INO80E: variants seen among roughly 807,000 people sequenced by gnomAD.
INO80E encodes the protein coiled-coil domain containing 95.
Under a neutral mutation model 27.3 loss-of-function variants are expected in INO80E, and 20 were observed. The observed-to-expected ratio is 0.73, with a 90% CI of 0.51 to 1.06. The LOEUF is 1.06. INO80E is among the 50% of genes least tolerant of loss of function. INO80E has a pLI of 0.00. For missense variants in INO80E, 357 were observed against 322.8 expected (o/e 1.11, Z -0.81); for synonymous variants, 167 against 145.9 (o/e 1.14, Z -1.04).
At chr16:30,001,082 G>A in intron 5 of INO80E, 42 bp downstream of exon 5, 1 of 1,509,178 alleles carries the variant, frequency 6.6e-7, no homozygotes, top group South Asian at 1.3e-5. Flanking sequence ...GGAGTAAGGT[G>A]GGCGTCATTT....
chr16:30,005,637 C>G lies in INO80E; in HGVS notation c.*195C>G. 2 of 609,390 alleles carry G rather than the reference C, an allele frequency of 3.3e-6. No individual in the cohort carries two copies. Among genetic ancestry groups the G allele is most frequent in the Non-Finnish European group, 5.7e-6 (2 of 349,752 alleles). The allele number at this position is 609,390 out of a possible 1,614,324, so 37.7% of individuals were successfully genotyped here. ...CAGGGGCCCTGCCTTCAAACCCCGGCCCCCTCCAGGGGACAGTTATTTAAA... is the reference window on the plus strand; with the variant it reads ...CAGGGGCCCTGCCTTCAAACCCCGGGCCCCTCCAGGGGACAGTTATTTAAA... On this transcript the variant is annotated 3_prime_UTR_variant, in exon 7 of 7. Coordinates refer to ENST00000563197, the MANE Select transcript of INO80E (RefSeq NM_173618.3).
At chr16:30,001,311 A>G in intron 5 of INO80E, 103 bp from the exon 6 acceptor site, 2 of 1,502,982 alleles carry the variant, frequency 1.3e-6, no homozygotes, top group Non-Finnish European at 1.8e-6. Context: ...CGCACTCATC[A>G]CCATCTCTTT....
intron 3 of INO80E, among the ~76,000 whole-genome samples, chr16:29,999,872 G>C (rs1334211321): frequency 6.6e-6 from 1 of 152,154 alleles, no homozygotes; most frequent in Non-Finnish European, 1.5e-5. Flanking sequence ...GGTGAGGTGA[G>C]ACTGCTTAGC....
chr16:29,996,328 C>G lies in INO80E; in HGVS notation c.18C>G (p.Asp6Glu), dbSNP rs573223499. MNGPA[D>E]GEVDYKKKYR... The stretch of plus-strand genomic sequence containing the variant: ...GGCCGGTCATGAACGGGCCGGCGGA[C>G]GGCGAAGTGGACTACAAAAAAAAAT... Residue 6 changes from aspartate (D) to glutamate (E), a missense_variant, in exon 1 of 7, where the codon GAC becomes GAG. By Grantham distance (45) the Asp-to-Glu change is conservative. Coordinates refer to ENST00000563197, the MANE Select transcript of INO80E (RefSeq NM_173618.3). The G allele has an allele frequency of 3.8e-6, 6 of 1,595,450 alleles. No individual in the cohort carries two copies. In the South Asian group the frequency reaches 6.8e-5, roughly 18 times the overall value.
Position 30,005,769 on chromosome 16 carries a change from T to C in INO80E, c.*327T>C, listed in dbSNP as rs2070560741. On this transcript the variant is annotated 3_prime_UTR_variant, in exon 7 of 7. Coordinates refer to ENST00000563197, the MANE Select transcript of INO80E (RefSeq NM_173618.3). ...GGCTAGGTTTTTTCAATGAAGTTTC[T>C]GTATTAAAGGAGTGGCTCTGGGTTT... The C allele has an allele frequency of 2.1e-6, 1 of 468,958 alleles. No individual in the cohort carries two copies. The highest frequency in any genetic ancestry group is 4.1e-5 in the Admixed American group (1 of 24,298). 29.0% of individuals were successfully genotyped at this position (468,958 alleles called of 1,614,324 possible).
Position 29,998,492 on chromosome 16 carries a change from G to C in INO80E, c.205+1632G>C, listed in dbSNP as rs556613188. Among the ~76,000 whole-genome samples the C allele has an allele frequency of 4.6e-5, 7 of 152,124 alleles. No individual in the cohort carries two copies. The East Asian group carries it at 1.4e-3, about 29-fold the overall frequency. On this transcript the variant is annotated intron_variant, in intron 3 of 6. Coordinates refer to ENST00000563197, the MANE Select transcript of INO80E (RefSeq NM_173618.3). The stretch of plus-strand genomic sequence containing the variant: ...TAACTATATTTTACATCATAACCAG[G>C]GCCCCACATGTTAAACAAAACAAAG...
intron 6 of INO80E, chr16:30,001,735 C>A (rs1340858536): frequency 1.1e-5 from 6 of 544,192 alleles, no homozygotes; most frequent in Non-Finnish European, 1.6e-5. Flanking sequence ...CCTTGGAGGA[C>A]CCGGTGTGCA....
At position 30,001,492 on chromosome 16, in the gene INO80E, A is replaced by T; in HGVS notation, c.475A>T (p.Lys159Ter). ...GCCCGAGCCCAGTCCCCTGAGGCCC[A>T]AGCGGGAGAAACGGCCCCGCCTGCC... is the stretch of plus-strand genomic sequence containing the variant. Reference protein sequence around the residue: ...QLPEPSPLRPKREKRPRLPRK... With the variant: ...QLPEPSPLRP The change falls in exon 6 of 7, where the codon AAG (lysine) becomes TAG (stop). Residue 159 changes from lysine (K) to a stop codon, truncating the protein, a stop_gained. Coordinates refer to ENST00000563197, the MANE Select transcript of INO80E (RefSeq NM_173618.3). LOFTEE classifies it high-confidence loss of function. 1 of 1,613,126 alleles carries T rather than the reference A, an allele frequency of 6.2e-7. No homozygotes were observed. Among genetic ancestry groups the T allele is most frequent in the African/African-American group, 1.3e-5 (1 of 74,956 alleles).
Position 30,001,428 on chromosome 16 carries a change from C to G in INO80E, c.411C>G (p.Arg137=). The change falls in exon 6 of 7, where the codon CGC becomes CGG. Residue 137 remains arginine, a synonymous_variant. Transcript: ENST00000563197. ...SPYLSSLASS[R]YPPFPSDYLA... ...CCCGCCCGCAGCTGGCCTCCTCCCG[C>G]TACCCCCCATTCCCTTCTGACTACC... 1 of 1,605,572 alleles carries G rather than the reference C, an allele frequency of 6.2e-7. No individual in the cohort carries two copies. The highest frequency in any genetic ancestry group is 8.5e-7 in the Non-Finnish European group (1 of 1,175,704).
Position 30,005,502 on chromosome 16 carries a change from C to G in INO80E, c.*60C>G. On this transcript the variant is annotated 3_prime_UTR_variant, in exon 7 of 7. Transcript: ENST00000563197. ...CCGGCGCCCTCCCCGTGCCAGCACA[C>G]ACGAGTCCAGCTTCCTCGGAGGTGT... 6.8e-7 allele frequency: 1 copy of G among 1,468,648 alleles called. No individual in the cohort carries two copies. Among genetic ancestry groups the G allele is most frequent in the South Asian group, 1.2e-5 (1 of 81,844 alleles). 91.0% of individuals were successfully genotyped at this position (1,468,648 alleles called of 1,614,324 possible).
chr16:30,001,394 A>ATCCCCGC lies in INO80E; in HGVS notation c.397-15_397-9dup. The ATCCCCGC allele has an allele frequency of 1.3e-6, 2 of 1,566,000 alleles. No individual in the cohort carries two copies. Among genetic ancestry groups the ATCCCCGC allele is most frequent in the Non-Finnish European group, 1.7e-6 (2 of 1,153,568 alleles). On this transcript the variant is annotated intron_variant, in intron 5 of 6. Coordinates refer to ENST00000563197, the MANE Select transcript of INO80E (RefSeq NM_173618.3). ...CCGGTCCATTCCGCCTCCCATCTCC[A>ATCCCCGC]TCCCCGCTCCCGCCCGCAGCTGGCC...
intron 3 of INO80E, 97 bp downstream of exon 3, chr16:29,996,957 C>A: frequency 1.7e-6 from 2 of 1,163,040 alleles, no homozygotes; most frequent in African/African-American, 1.5e-5. Context: ...GCTGATGCAG[C>A]CCCCAGTGGT....
At chr16:29,999,829 ACT>A (rs535902961) in intron 3 of INO80E, among the ~76,000 whole-genome samples, 202 of 152,172 alleles carry the variant, frequency 1.3e-3, no homozygotes, top group Admixed American at 0.013. Flanking sequence ...GTTTTAGGTC[ACT>A]CTGGGGTTGG....
At position 29,996,314 on chromosome 16, in the gene INO80E, A is replaced by T; in HGVS notation, c.4A>T (p.Asn2Tyr). The change falls in exon 1 of 7, where the codon AAC becomes TAC. Residue 2 changes from asparagine (N) to tyrosine (Y), a missense_variant. Transcript: ENST00000563197. M[N>Y]GPADGEVDYK... is the part of the protein sequence containing the mutation. The stretch of plus-strand genomic sequence containing the variant: ...GGGCGCCACTCCCGGGCCGGTCATG[A>T]ACGGGCCGGCGGACGGCGAAGTGGA... 6.3e-7 allele frequency: 1 copy of T among 1,594,942 alleles called. No individual in the cohort carries two copies. The highest frequency in any genetic ancestry group is 1.1e-5 in the South Asian group (1 of 88,458).
chr16:30,005,422 G>A lies in INO80E; in HGVS notation c.715G>A (p.Val239Met). 6.2e-7 allele frequency: 1 copy of A among 1,602,936 alleles called. No individual in the cohort carries two copies. Among genetic ancestry groups the A allele is most frequent in the South Asian group, 1.1e-5 (1 of 88,956 alleles). Residue 239 changes from valine to methionine, a missense_variant, in exon 7 of 7, where the codon GTG becomes ATG. Val to Met is a conservative substitution (Grantham distance 21). Coordinates refer to ENST00000563197, the MANE Select transcript of INO80E (RefSeq NM_173618.3). ...TGCCTTGGATGGAGACGATGACCTG[G>A]TGATCGACATCCCGGAGTGACCGTG... Reference protein sequence around the residue: ...DDALDGDDDLVIDIPE With the variant: ...DDALDGDDDLMIDIPE
chr16:30,001,270 C>A, intron 5 of INO80E, 144 bp from the exon 6 acceptor site: 1 of 1,490,200 alleles, frequency 6.7e-7, no homozygotes, highest in South Asian at 1.3e-5. Flanking sequence ...TGCTGCTGCC[C>A]GGCCCTTCTG....
chr16:29,999,002 G>A (rs984288734), intron 3 of INO80E, among the ~76,000 whole-genome samples: 12 of 151,000 alleles, frequency 7.9e-5, no homozygotes, highest in African/African-American at 2.2e-4. Flanking sequence ...CCGAGATTAC[G>A]CCACTGCACT....
At chr16:30,001,582 A>G (rs1451936207) in intron 6 of INO80E, 52 bp downstream of exon 6, 2 of 1,547,418 alleles carry the variant, frequency 1.3e-6, no homozygotes, top group East Asian at 2.3e-5. Context: ...GAGGACAGTC[A>G]CCTGAGGGAG....
intron 3 of INO80E, among the ~76,000 whole-genome samples, chr16:29,997,702 C>T (rs1007271169): frequency 2.1e-4 from 32 of 150,208 alleles, no homozygotes; most frequent in African/African-American, 6.6e-4. Context: ...TGCAGTGAGC[C>T]GAGATCGCTG....
Sources: gnomAD v4.1 joint callset for allele counts (sites outside exome capture counted in the v4.1 genomes callset) on GRCh38, gnomAD v4.1.1 for gene constraint, MANE v1.5 for transcripts, NCBI Gene and HGNC (gene_info 2026-07-23, HGNC 2026-07-21) for gene names.